NFATC2: variants seen among roughly 807,000 people sequenced by gnomAD.
NFATC2 encodes the protein nuclear factor of activated T-cells, cytoplasmic 2.
NFATC2 carries 22 observed loss-of-function variants against 87.3 expected under a neutral mutation model. That is an observed-to-expected ratio of 0.25 (90% CI 0.18 to 0.36). The LOEUF (loss-of-function observed/expected upper bound fraction) is 0.36. NFATC2 is among the 10% of genes least tolerant of loss of function. The probability of loss-of-function intolerance (pLI) is 1.00; values close to 1 mark genes in which losing one functional copy is unlikely to be tolerated. For missense variants in NFATC2, 1,149 were observed against 1,259.1 expected (o/e 0.91, Z 1.32); for synonymous variants, 565 against 542.2 (o/e 1.04, Z -0.58).
chr20:51,475,414 C>T (rs777296780), intron 4 of NFATC2, 44 bp downstream of exon 4: 21 of 1,602,358 alleles, frequency 1.3e-5, no homozygotes, highest in Non-Finnish European at 1.5e-5. Context: ...GCCCCCTGCT[C>T]GCTTCTCCAT....
At chr20:51,398,560 A>C in intron 10 of NFATC2, 83 bp downstream of exon 10, 1 of 855,376 alleles carries the variant, frequency 1.2e-6, no homozygotes, top group Non-Finnish European at 1.7e-6. Context: ...AAGTTTTCTT[A>C]TACTTTACTT....
At chr20:51,462,107 G>A (rs1200237435) in intron 5 of NFATC2, among the ~76,000 whole-genome samples, 2 of 151,792 alleles carry the variant, frequency 1.3e-5, no homozygotes, top group East Asian at 1.9e-4. Flanking sequence ...GACACAGCAA[G>A]ACTCTGTTTC....
At chr20:51,551,446 C>T (rs1015530241) in intron 1 of NFATC2, among the ~76,000 whole-genome samples, 9 of 152,024 alleles carry the variant, frequency 5.9e-5, no homozygotes, top group African/African-American at 2.2e-4. Flanking sequence ...CTCAGTCACC[C>T]AGGATGGAGT....
At chr20:51,521,733 T>G (rs1293748663) in intron 2 of NFATC2, among the ~76,000 whole-genome samples, 1 of 152,242 alleles carries the variant, frequency 6.6e-6, no homozygotes, top group African/African-American at 2.4e-5. Context: ...CAATTCCTCA[T>G]GTAGGAGAAC....
intron 3 of NFATC2, among the ~76,000 whole-genome samples, chr20:51,486,985 C>T (rs537740573): frequency 6.6e-6 from 1 of 152,322 alleles, no homozygotes; most frequent in Non-Finnish European, 1.5e-5. Context: ...AGCAGCCTGG[C>T]AGCTCATGGA....
At chr20:51,516,295 C>A (rs1366123607) in intron 3 of NFATC2, among the ~76,000 whole-genome samples, 1 of 152,120 alleles carries the variant, frequency 6.6e-6, no homozygotes, top group Non-Finnish European at 1.5e-5. Context: ...TATATGGTAA[C>A]AGAGGCTGGC....
chr20:51,548,087 A>G (rs1379916758), intron 1 of NFATC2, among the ~76,000 whole-genome samples: 2 of 151,994 alleles, frequency 1.3e-5, no homozygotes, highest in African/African-American at 2.4e-5. Context: ...GCTACGTCCC[A>G]CCTGACTCTC....
At chr20:51,434,031 A>C (rs956349565) in intron 8 of NFATC2, among the ~76,000 whole-genome samples, 6 of 152,122 alleles carry the variant, frequency 3.9e-5, no homozygotes, top group Non-Finnish European at 7.4e-5. Context: ...GCTCAAAGGG[A>C]TTCCTGAGCT....
At chr20:51,469,346 G>A (rs566786691) in intron 5 of NFATC2, among the ~76,000 whole-genome samples, 4 of 152,236 alleles carry the variant, frequency 2.6e-5, no homozygotes, top group East Asian at 3.9e-4. Context: ...TACAACTCCC[G>A]GGTAATTCTA....
At chr20:51,460,024 A>T (rs1301158547) in intron 5 of NFATC2, among the ~76,000 whole-genome samples, 1 of 152,236 alleles carries the variant, frequency 6.6e-6, no homozygotes, top group African/African-American at 2.4e-5. Flanking sequence ...TGTGTATTTT[A>T]CCACAATAGG....
chr20:51,431,961 A>G, intron 9 of NFATC2, 106 bp downstream of exon 9: 1 of 1,191,776 alleles, frequency 8.4e-7, no homozygotes, highest in East Asian at 2.4e-5. Flanking sequence ...GGGGACACTG[A>G]GGCCCAAAGA....
At chr20:51,479,001 C>T (rs184561164) in intron 3 of NFATC2, among the ~76,000 whole-genome samples, 8 of 152,302 alleles carry the variant, frequency 5.3e-5, no homozygotes, top group Admixed American at 3.3e-4. Context: ...AAGAACCAAT[C>T]GTTAAACCTA....
chr20:51,526,988 T>C (rs973008199), intron 1 of NFATC2, among the ~76,000 whole-genome samples: 1 of 152,012 alleles, frequency 6.6e-6, no homozygotes, highest in Non-Finnish European at 1.5e-5. Flanking sequence ...AGCCTCCACC[T>C]CCCAGGCTCA....
chr20:51,411,516 CTTTT>C (rs67935951), intron 9 of NFATC2, among the ~76,000 whole-genome samples: 35 of 87,238 alleles, frequency 4.0e-4, no homozygotes, highest in East Asian at 3.6e-3. Context: ...ATGCAATTGT[CTTTT>C]TTTTTTTTTT....
chr20:51,418,558 G>A (rs1034081125), intron 9 of NFATC2, among the ~76,000 whole-genome samples: 8 of 152,080 alleles, frequency 5.3e-5, no homozygotes, highest in South Asian at 2.1e-4. Context: ...TGGACTGACC[G>A]TTAGGAGAGG....
At chr20:51,466,842 C>T (rs987004407) in intron 5 of NFATC2, among the ~76,000 whole-genome samples, 2 of 152,128 alleles carry the variant, frequency 1.3e-5, no homozygotes, top group Non-Finnish European at 2.9e-5. Context: ...GAGGCCGAGG[C>T]GGGCAGATCG....
upstream of NFATC2, among the ~76,000 whole-genome samples, chr20:51,543,528 C>T (rs1038322452): frequency 7.2e-5 from 11 of 152,244 alleles, no homozygotes; most frequent in African/African-American, 2.6e-4. Context: ...GCAGTGAGAA[C>T]CAAAACACAG....
At chr20:51,464,315 A>C (rs542264662) in intron 5 of NFATC2, among the ~76,000 whole-genome samples, 80 of 152,342 alleles carry the variant, frequency 5.3e-4, no homozygotes, top group African/African-American at 1.8e-3. Flanking sequence ...ACACACACGC[A>C]TTTAACCGCC....
intron 9 of NFATC2, among the ~76,000 whole-genome samples, chr20:51,407,268 T>C (rs1978479259): frequency 6.6e-6 from 1 of 152,180 alleles, no homozygotes. Context: ...CACCCCATCA[T>C]GCCCTGTCCC....
Sources: allele counts gnomAD v4.1 joint callset (sites outside exome capture counted in the v4.1 genomes callset), GRCh38; gene constraint gnomAD v4.1.1; transcripts MANE v1.5; gene names NCBI Gene and HGNC (gene_info 2026-07-23, HGNC 2026-07-21).